Variants in RYR3 observed in about 807,000 individuals in gnomAD.
RYR3 encodes brain ryanodine receptor-calcium release channel.
RYR3 carries 207 observed loss-of-function variants against 584.3 expected under a neutral mutation model. The observed-to-expected ratio is 0.35, with a 90% CI of 0.32 to 0.40. The LOEUF (loss-of-function observed/expected upper bound fraction) is 0.40. RYR3 is among the 10% of genes least tolerant of loss of function. RYR3 has a pLI of 1.00. For synonymous variants in RYR3, 2,416 were observed against 2,248.5 expected, an observed-to-expected ratio of 1.07 and a Z score of -2.11; for missense variants, 5,616 against 6,089.2, an observed-to-expected ratio of 0.92 and a Z score of 2.59.
chr15:33,380,179 C>T (rs968797430), intron 1 of RYR3, among the ~76,000 whole-genome samples: 8 of 152,120 alleles, frequency 5.3e-5, no homozygotes, highest in African/African-American at 1.9e-4. Context: ...CCATCTAGGC[C>T]TCCTTCAATC....
At chr15:33,524,473 T>C (rs2054248999) in intron 3 of RYR3, among the ~76,000 whole-genome samples, 1 of 152,240 alleles carries the variant, frequency 6.6e-6, no homozygotes, top group African/African-American at 2.4e-5. Context: ...GCGCCTATTA[T>C]AATGCTCTTA....
At chr15:33,680,474 G>T (rs2064506833) in intron 38 of RYR3, among the ~76,000 whole-genome samples, 1 of 152,192 alleles carries the variant, frequency 6.6e-6, no homozygotes, top group African/African-American at 2.4e-5. Context: ...CGAGCTGGCA[G>T]AAAGATGGTG....
intron 1 of RYR3, among the ~76,000 whole-genome samples, chr15:33,366,514 GA>G (rs1975519389): frequency 6.6e-6 from 1 of 152,200 alleles, no homozygotes; most frequent in Non-Finnish European, 1.5e-5. Context: ...AAAAAGCTAA[GA>G]GAACCAGCAG....
chr15:33,689,942 C>A (rs1465854074), intron 38 of RYR3, among the ~76,000 whole-genome samples: 1 of 152,092 alleles, frequency 6.6e-6, no homozygotes, highest in Non-Finnish European at 1.5e-5. Context: ...GTAACAGATA[C>A]CCAGAAAATG....
chr15:33,738,616 AAG>A, intron 50 of RYR3, 26 bp downstream of exon 50: 1 of 1,613,066 alleles, frequency 6.2e-7, no homozygotes. Flanking sequence ...TCTGAACAAA[AAG>A]AGAGCATCTC....
intron 1 of RYR3, among the ~76,000 whole-genome samples, chr15:33,447,699 A>G (rs908888286): frequency 1.3e-5 from 2 of 152,336 alleles, no homozygotes; most frequent in African/African-American, 4.8e-5. Context: ...TCAGTTCCCC[A>G]GTGACATCTG....
intron 1 of RYR3, among the ~76,000 whole-genome samples, chr15:33,441,096 AT>A (rs2046194479): frequency 1.3e-5 from 2 of 152,184 alleles, no homozygotes; most frequent in Admixed American, 6.5e-5. Context: ...AGCCAGCCAC[AT>A]TTTCAGGGTC....
Position 33,841,209 on chromosome 15 carries a change from C to A in RYR3, c.13037+326C>A, listed in dbSNP as rs550470604. The stretch of plus-strand genomic sequence containing the variant: ...TCCAAGCTGGGCAGCAGAGCAAGAC[C>A]CTGTCTCAAAAACAAAAAAGAAAAA... On this transcript the variant is annotated intron_variant, in intron 90 of 103. Transcript: ENST00000634891. 7.9e-5 allele frequency among the ~76,000 whole-genome samples: 12 copies of A among 151,934 alleles called. No homozygotes were observed. The East Asian group carries it at 1.9e-3, about 24-fold the overall frequency.
chr15:33,652,696 C>T, intron 31 of RYR3, 22 bp from the exon 32 acceptor site: 2 of 1,610,232 alleles, frequency 1.2e-6, no homozygotes, highest in Non-Finnish European at 1.7e-6. Context: ...GATTCTGTGC[C>T]TTTTCCTGTC....
intron 6 of RYR3, among the ~76,000 whole-genome samples, chr15:33,539,814 A>G (rs1484808356): frequency 6.6e-6 from 1 of 152,150 alleles, no homozygotes; most frequent in Admixed American, 6.6e-5. Context: ...TAAGGAAATC[A>G]TAAGGAAGAG....
At chr15:33,577,329 A>T (rs2058350356) in intron 12 of RYR3, among the ~76,000 whole-genome samples, 2 of 152,224 alleles carry the variant, frequency 1.3e-5, no homozygotes, top group Non-Finnish European at 2.9e-5. Flanking sequence ...GAGCAAAAAG[A>T]ATAAAGACAG....
rs2052193920 is a variant in RYR3, at chr15:33,503,547, G to A, written c.172-84G>A. The A allele has an allele frequency of 1.0e-5, 8 of 781,048 alleles. No homozygotes were observed. The Admixed American group carries it at 1.8e-4, about 18-fold the overall frequency. The allele number at this position is 781,048 out of a possible 1,614,324, so 48.4% of individuals were successfully genotyped here. On this transcript the variant is annotated intron_variant, in intron 2 of 103. Transcript: ENST00000634891. ...CATCCAACTGTCATTTTGATTCATA[G>A]GCTCTTTGCCCTTGAGATGTTGTTG...
At chr15:33,415,876 C>T (rs764359851) in intron 1 of RYR3, among the ~76,000 whole-genome samples, 4 of 152,092 alleles carry the variant, frequency 2.6e-5, no homozygotes, top group Non-Finnish European at 5.9e-5. Context: ...CTCCCTCCCT[C>T]TTTTTGGATT....
intron 17 of RYR3, 53 bp from the exon 18 acceptor site, chr15:33,603,070 C>T (rs760128966): frequency 6.9e-6 from 11 of 1,597,462 alleles, no homozygotes; most frequent in African/African-American, 2.7e-5. Flanking sequence ...GTTCAACTTG[C>T]TTTCTCAGCT....
chr15:33,464,467 T>TATATATATATATATACAC (rs1247324828), intron 1 of RYR3, among the ~76,000 whole-genome samples: 20 of 75,358 alleles, frequency 2.7e-4, no homozygotes, highest in African/African-American at 1.6e-3. Context: ...GGTGGAGATA[T>TATATATATATATATACAC]ATATATATAT....
intron 37 of RYR3, among the ~76,000 whole-genome samples, chr15:33,669,848 G>C (rs1307191557): frequency 1.9e-5 from 1 of 51,882 alleles, no homozygotes; most frequent in Non-Finnish European, 4.8e-5. Flanking sequence ...GTGTGTGGGG[G>C]GGGGGGGGGG....
At chr15:33,692,213 C>T (rs967881807) in intron 38 of RYR3, among the ~76,000 whole-genome samples, 5 of 152,206 alleles carry the variant, frequency 3.3e-5, no homozygotes, top group African/African-American at 1.2e-4. Flanking sequence ...GGCTGCTCTG[C>T]TGCTGATGCA....
chr15:33,621,282 T>C (rs1304576972), intron 19 of RYR3, among the ~76,000 whole-genome samples: 1 of 152,194 alleles, frequency 6.6e-6, no homozygotes, highest in African/African-American at 2.4e-5. Flanking sequence ...TACACTTACT[T>C]GCTATACAAG....
chr15:33,858,213 T>G (rs1282576351), intron 99 of RYR3: 4 of 298,172 alleles, frequency 1.3e-5, no homozygotes, highest in African/African-American at 6.3e-5. Context: ...GACATTATTT[T>G]ATTTTTTTGA....
Sources: gnomAD v4.1 joint callset for allele counts (sites outside exome capture counted in the v4.1 genomes callset) on GRCh38, gnomAD v4.1.1 for gene constraint, MANE v1.5 for transcripts, NCBI Gene and HGNC (gene_info 2026-07-23, HGNC 2026-07-21) for gene names.